Variants in MECOM observed in about 807,000 individuals in gnomAD.
The protein encoded by MECOM is MDS1 and EVI1 complex locus.
Under a neutral mutation model 116.3 loss-of-function variants are expected in MECOM, and 13 were observed. The ratio of observed to expected loss-of-function variants is 0.11; its 90% confidence interval spans 0.07 to 0.18. The LOEUF (loss-of-function observed/expected upper bound fraction) is 0.18. Ranked by LOEUF, MECOM falls within the 10% of genes least tolerant of loss-of-function variation. MECOM has a pLI of 1.00. For synonymous variants in MECOM, 528 were observed against 535.2 expected (o/e 0.99, Z 0.19); for missense variants, 1,299 against 1,509.0 (o/e 0.86, Z 2.31).
chr3:169,227,535 T>C (rs1396810591), intron 2 of MECOM, among the ~76,000 whole-genome samples: 1 of 152,156 alleles, frequency 6.6e-6, no homozygotes, highest in Non-Finnish European at 1.5e-5. Context: ...GTGGGATTTG[T>C]TTTCTGGTTA....
At chr3:169,128,766 T>C (rs1733724315) in intron 4 of MECOM, among the ~76,000 whole-genome samples, 1 of 152,212 alleles carries the variant, frequency 6.6e-6, no homozygotes. Flanking sequence ...AGAAAACATA[T>C]CATTAATTTG....
At chr3:169,346,681 A>G (rs149190270) in intron 2 of MECOM, among the ~76,000 whole-genome samples, 111 of 152,162 alleles carry the variant, frequency 7.3e-4, no homozygotes, top group African/African-American at 2.6e-3. Context: ...ATGAAAAGAA[A>G]TGCTTAACCT....
At chr3:169,442,389 A>G (rs147680900) in intron 1 of MECOM, among the ~76,000 whole-genome samples, 1 of 152,310 alleles carries the variant, frequency 6.6e-6, no homozygotes, top group African/African-American at 2.4e-5. Context: ...AGTAACTTCT[A>G]TATGCCATTA....
At chr3:169,179,786 C>G (rs997704694) in intron 2 of MECOM, among the ~76,000 whole-genome samples, 1 of 152,106 alleles carries the variant, frequency 6.6e-6, no homozygotes, top group Non-Finnish European at 1.5e-5. Flanking sequence ...AAATTCAGCT[C>G]GTTAAAAGGA....
At chr3:169,407,955 CA>C in intron 1 of MECOM, among the ~76,000 whole-genome samples, 1 of 152,288 alleles carries the variant, frequency 6.6e-6, no homozygotes, top group East Asian at 1.9e-4. Flanking sequence ...AGAAATTGAT[CA>C]TGTTTGGGAA....
chr3:169,373,171 C>A (rs1730431070), intron 2 of MECOM, among the ~76,000 whole-genome samples: 1 of 151,980 alleles, frequency 6.6e-6, no homozygotes, highest in Non-Finnish European at 1.5e-5. Flanking sequence ...GGAGAGAAGT[C>A]ACATGCATTG....
intron 1 of MECOM, among the ~76,000 whole-genome samples, chr3:169,553,623 C>T (rs940891082): frequency 6.6e-6 from 1 of 152,166 alleles, no homozygotes; most frequent in African/African-American, 2.4e-5. Flanking sequence ...AAATACTTCA[C>T]ATGGGGTGGC....
chr3:169,555,799 A>G (rs1198038670), intron 1 of MECOM, among the ~76,000 whole-genome samples: 2 of 152,194 alleles, frequency 1.3e-5, no homozygotes, highest in Non-Finnish European at 2.9e-5. Context: ...GTTGGAACAT[A>G]TCGTATAAAA....
chr3:169,539,464 A>T (rs1192711016), intron 1 of MECOM, among the ~76,000 whole-genome samples: 1 of 152,144 alleles, frequency 6.6e-6, no homozygotes, highest in Non-Finnish European at 1.5e-5. Flanking sequence ...CTCCTCCTGG[A>T]CATCAAACTC....
At chr3:169,175,176 A>G (rs2149381436) in intron 2 of MECOM, among the ~76,000 whole-genome samples, 1 of 152,278 alleles carries the variant, frequency 6.6e-6, no homozygotes, top group Admixed American at 6.5e-5. Context: ...ACAACATATC[A>G]GGCATGTTTT....
chr3:169,332,500 G>C (rs1722922607), intron 2 of MECOM, among the ~76,000 whole-genome samples: 1 of 152,248 alleles, frequency 6.6e-6, no homozygotes, highest in South Asian at 2.1e-4. Flanking sequence ...TTAGTGCTCA[G>C]TGATTAATGA....
At chr3:169,515,948 T>C (rs1756569060) in intron 1 of MECOM, among the ~76,000 whole-genome samples, 1 of 152,234 alleles carries the variant, frequency 6.6e-6, no homozygotes, top group South Asian at 2.1e-4. Context: ...TGAAACATTA[T>C]GGACAAGCTC....
At chr3:169,315,632 A>G (rs1719606167) in intron 2 of MECOM, among the ~76,000 whole-genome samples, 1 of 152,204 alleles carries the variant, frequency 6.6e-6, no homozygotes, top group Admixed American at 6.5e-5. Context: ...ATACTACCAC[A>G]GTTCCCTCCA....
chr3:169,217,025 GAC>G (rs1751504327), intron 2 of MECOM, among the ~76,000 whole-genome samples: 1 of 152,070 alleles, frequency 6.6e-6, no homozygotes, highest in Admixed American at 6.6e-5. Flanking sequence ...GAGAACAACC[GAC>G]AGATACCCCA....
intron 1 of MECOM, among the ~76,000 whole-genome samples, chr3:169,638,927 G>A (rs921076860): frequency 5.3e-5 from 8 of 152,134 alleles, no homozygotes; most frequent in African/African-American, 1.9e-4. Context: ...GGAATTTGAG[G>A]GGATGTGATG....
intron 1 of MECOM, among the ~76,000 whole-genome samples, chr3:169,443,746 G>A (rs1037017693): frequency 3.2e-4 from 49 of 152,270 alleles, no homozygotes; most frequent in African/African-American, 1.2e-3. Context: ...GATGCTTGCT[G>A]TGCTCATCTG....
intron 1 of MECOM, among the ~76,000 whole-genome samples, chr3:169,488,019 G>A (rs1241173468): frequency 6.6e-6 from 1 of 152,006 alleles, no homozygotes; most frequent in Non-Finnish European, 1.5e-5. Flanking sequence ...TATTCCAATA[G>A]GCTTACTGGA....
At chr3:169,129,915 G>T (rs555511413) in intron 4 of MECOM, among the ~76,000 whole-genome samples, 36 of 152,288 alleles carry the variant, frequency 2.4e-4, no homozygotes, top group African/African-American at 8.7e-4. Context: ...AGACAATATA[G>T]AGAGAGTATA....
chr3:169,569,520 G>A (rs1419955058), intron 1 of MECOM, among the ~76,000 whole-genome samples: 14 of 152,006 alleles, frequency 9.2e-5, no homozygotes, highest in Admixed American at 3.9e-4. Context: ...CCAAATCAAC[G>A]GAATGTACAT....
Sources: allele counts gnomAD v4.1 joint callset (sites outside exome capture counted in the v4.1 genomes callset), GRCh38; gene constraint gnomAD v4.1.1; transcripts MANE v1.5; gene names NCBI Gene and HGNC (gene_info 2026-07-23, HGNC 2026-07-21).